The following RASSF3 variants were observed in gnomAD, a reference collection of about 807,000 sequenced individuals.
RASSF3 encodes the protein Ras association domain family member 3.
RASSF3 carries 19 observed loss-of-function variants against 19.9 expected under a neutral mutation model. That is an observed-to-expected ratio of 0.96 (90% CI 0.67 to 1.40). The LOEUF (loss-of-function observed/expected upper bound fraction) is 1.40. RASSF3 is among the 40% of genes most tolerant of loss of function. The pLI is 0.00. For synonymous variants in RASSF3, 110 were observed against 104.2 expected (o/e 1.06, Z -0.34); for missense variants, 306 against 289.8 (o/e 1.06, Z -0.41).
At chr12:64,605,750 T>G (rs1025771680), upstream of RASSF3, among the ~76,000 whole-genome samples, 5 of 151,794 alleles carry the variant, frequency 3.3e-5, no homozygotes, top group Non-Finnish European at 5.9e-5. Context: ...TTAGCCAGGG[T>G]AGTGGCGCAT....
intron 2 of RASSF3, among the ~76,000 whole-genome samples, chr12:64,592,577 G>T (rs1001466189): frequency 6.6e-6 from 1 of 152,140 alleles, no homozygotes; most frequent in Admixed American, 6.5e-5. Flanking sequence ...ACAACCGTAT[G>T]TGAGAATGCC....
At chr12:64,675,665 C>T (rs1472381434) in intron 1 of RASSF3, among the ~76,000 whole-genome samples, 1 of 152,112 alleles carries the variant, frequency 6.6e-6, no homozygotes, top group Non-Finnish European at 1.5e-5. Context: ...CAGTTGCCCT[C>T]TGTTTTTCCA....
At chr12:64,664,460 G>A (rs59018099) in intron 1 of RASSF3, among the ~76,000 whole-genome samples, 1,788 of 152,178 alleles carry the variant, frequency 0.012, 37 homozygotes, top group African/African-American at 0.041. Context: ...CACCCATCTC[G>A]GCCTCCCTAA....
At chr12:64,590,945 G>T (rs956222827) in intron 2 of RASSF3, among the ~76,000 whole-genome samples, 1 of 152,172 alleles carries the variant, frequency 6.6e-6, no homozygotes, top group African/African-American at 2.4e-5. Flanking sequence ...TTGTACTCCG[G>T]TTATCTAATT....
intron 1 of RASSF3, among the ~76,000 whole-genome samples, chr12:64,651,521 G>A (rs1170804173): frequency 2.6e-5 from 4 of 151,962 alleles, no homozygotes; most frequent in Admixed American, 6.6e-5. Flanking sequence ...CACCACACCC[G>A]GGTGATTTTT....
chr12:64,592,627 T>G (rs1295139021), intron 2 of RASSF3, among the ~76,000 whole-genome samples: 3 of 152,062 alleles, frequency 2.0e-5, no homozygotes, highest in Non-Finnish European at 4.4e-5. Flanking sequence ...GTCTAACTTT[T>G]GTATTTTTAC....
intron 2 of RASSF3, among the ~76,000 whole-genome samples, chr12:64,566,234 A>G (rs1056183924): frequency 2.6e-5 from 4 of 152,148 alleles, no homozygotes; most frequent in Non-Finnish European, 5.9e-5. Context: ...CTCTATTTAG[A>G]ATAAGAGAGG....
chr12:64,659,769 G>A (rs1872278139), intron 1 of RASSF3, among the ~76,000 whole-genome samples: 1 of 152,016 alleles, frequency 6.6e-6, no homozygotes, highest in Non-Finnish European at 1.5e-5. Context: ...CCAACATGGT[G>A]AAACCCCATC....
chr12:64,663,177 TC>T (rs1414627101), intron 1 of RASSF3, among the ~76,000 whole-genome samples: 2 of 152,100 alleles, frequency 1.3e-5, no homozygotes, highest in African/African-American at 4.8e-5. Flanking sequence ...ACCCTTTCAT[TC>T]CCTTAGGCCA....
chr12:64,577,848 CAG>C (rs1869621512), intron 2 of RASSF3, among the ~76,000 whole-genome samples: 1 of 152,206 alleles, frequency 6.6e-6, no homozygotes, highest in Non-Finnish European at 1.5e-5. Context: ...GAGACTTTTT[CAG>C]AGTTATGATT....
chr12:64,550,782 C>T (rs1311412949), intron 2 of RASSF3, among the ~76,000 whole-genome samples: 1 of 134,748 alleles, frequency 7.4e-6, no homozygotes, highest in Non-Finnish European at 1.5e-5. Flanking sequence ...GATCTAGCCA[C>T]TGCAGTCCAG....
At chr12:64,549,399 AC>A (rs1869119512) in intron 2 of RASSF3, among the ~76,000 whole-genome samples, 1 of 152,174 alleles carries the variant, frequency 6.6e-6, no homozygotes, top group Non-Finnish European at 1.5e-5. Context: ...GTCATTGTGC[AC>A]TTTGCTTCCT....
chr12:64,554,885 G>A (rs887812415), intron 2 of RASSF3, among the ~76,000 whole-genome samples: 2 of 152,028 alleles, frequency 1.3e-5, no homozygotes, highest in Non-Finnish European at 2.9e-5. Flanking sequence ...AATATTTGTT[G>A]GATAAATGAA....
chr12:64,642,739 C>G (rs1871588482), intron 1 of RASSF3, among the ~76,000 whole-genome samples: 1 of 151,442 alleles, frequency 6.6e-6, no homozygotes, highest in Non-Finnish European at 1.5e-5. Context: ...AGTAGATATT[C>G]AATTATTTAA....
At chr12:64,565,348 G>C (rs995580329) in intron 2 of RASSF3, among the ~76,000 whole-genome samples, 1 of 150,466 alleles carries the variant, frequency 6.6e-6, no homozygotes, top group African/African-American at 2.4e-5. Flanking sequence ...AGGCTGAGGC[G>C]GGTGTATCAC....
At chr12:64,680,405 CCGTGAGGACGGG>C (rs1788606638) in intron 1 of RASSF3, among the ~76,000 whole-genome samples, 1 of 151,946 alleles carries the variant, frequency 6.6e-6, no homozygotes, top group East Asian at 2.0e-4. Context: ...ACACCACGCC[CCGTGAGGACGGG>C]CGTGGTGTCT....
intron 1 of RASSF3, among the ~76,000 whole-genome samples, chr12:64,612,667 G>C (rs1592419078): frequency 6.6e-6 from 1 of 151,978 alleles, no homozygotes; most frequent in Non-Finnish European, 1.5e-5. Flanking sequence ...GTAGAGATGG[G>C]ATTTAACCAT....
At chr12:64,523,047 C>T (rs1037868956) in intron 1 of RASSF3, among the ~76,000 whole-genome samples, 1 of 152,182 alleles carries the variant, frequency 6.6e-6, no homozygotes, top group African/African-American at 2.4e-5. Flanking sequence ...AGAAGATGCC[C>T]ATATTTTTTA....
At chr12:64,521,061 C>A (rs1157984669) in intron 1 of RASSF3, among the ~76,000 whole-genome samples, 1 of 152,086 alleles carries the variant, frequency 6.6e-6, no homozygotes, top group Non-Finnish European at 1.5e-5. Flanking sequence ...GACTGGGGTA[C>A]CTCAACTAGT....
Sources: allele counts gnomAD v4.1 joint callset (sites outside exome capture counted in the v4.1 genomes callset), GRCh38; gene constraint gnomAD v4.1.1; transcripts MANE v1.5; gene names NCBI Gene and HGNC (gene_info 2026-07-23, HGNC 2026-07-21).